CNBD1: variants seen among roughly 807,000 people sequenced by gnomAD.
The protein encoded by CNBD1 is cyclic nucleotide-binding domain-containing protein 1.
A neutral mutation model predicts 54.4 loss-of-function variants in CNBD1; 71 were observed. The ratio of observed to expected loss-of-function variants is 1.30; its 90% confidence interval spans 1.08 to 1.59. CNBD1 has a LOEUF of 1.59. Ranked by LOEUF, CNBD1 falls within the 40% of genes most tolerant of loss-of-function variation. CNBD1 has a pLI of 0.00. For synonymous variants in CNBD1, 182 were observed against 170.7 expected (o/e 1.07, Z -0.51); for missense variants, 659 against 518.0 (o/e 1.27, Z -2.64).
At chr8:87,292,199 G>T (rs1808800334) in intron 8 of CNBD1, among the ~76,000 whole-genome samples, 1 of 152,078 alleles carries the variant, frequency 6.6e-6, no homozygotes, top group South Asian at 2.1e-4. Flanking sequence ...TTACAGAATT[G>T]CATCGTTGCA....
chr8:86,978,269 G>A (rs1420837850), intron 4 of CNBD1, among the ~76,000 whole-genome samples: 1 of 152,110 alleles, frequency 6.6e-6, no homozygotes, highest in Non-Finnish European at 1.5e-5. Flanking sequence ...CAATTTCTAT[G>A]TTGACTTTTA....
intron 2 of CNBD1, among the ~76,000 whole-genome samples, chr8:86,903,925 G>A (rs1009689227): frequency 5.9e-5 from 9 of 151,584 alleles, no homozygotes; most frequent in African/African-American, 1.7e-4. Context: ...AAAAAGATTC[G>A]ATGCTTGGTG....
rs368012323 is a variant in CNBD1, at chr8:87,241,437, A to AT, written c.771+4333dup. 8.6e-3 allele frequency among the ~76,000 whole-genome samples: 1,297 copies of AT among 151,404 alleles called. 21 individuals are homozygous for AT. Among genetic ancestry groups the AT allele is most frequent in the African/African-American group, 0.023 (959 of 41,264 alleles). ...AGGGGCCTGCCACCACGCCTGGCTA[A>AT]TTTTTTTTGTATTTTTAGTAGAGAC... On this transcript the variant is annotated intron_variant, in intron 6 of 10. Coordinates refer to ENST00000518476, the MANE Select transcript of CNBD1 (RefSeq NM_173538.3).
intron 6 of CNBD1, among the ~76,000 whole-genome samples, chr8:87,266,073 A>C (rs540187189): frequency 2.0e-5 from 3 of 152,212 alleles, no homozygotes; most frequent in African/African-American, 7.2e-5. Flanking sequence ...TTTTCTTTGA[A>C]AGATATCACA....
At chr8:86,978,534 C>CTTTTTTTTTT (rs71277907) in intron 4 of CNBD1, among the ~76,000 whole-genome samples, 3 of 66,704 alleles carry the variant, frequency 4.5e-5, no homozygotes, top group African/African-American at 6.2e-5. Flanking sequence ...ATGCTTTTAT[C>CTTTTTTTTTT]TTTTTTTTTT....
chr8:87,337,013 C>T (rs187165986), intron 8 of CNBD1, among the ~76,000 whole-genome samples: 10 of 152,258 alleles, frequency 6.6e-5, no homozygotes, highest in African/African-American at 2.4e-4. Context: ...ATCTAGTTTA[C>T]TCCCACACAT....
intron 10 of CNBD1, among the ~76,000 whole-genome samples, chr8:87,371,358 G>A (rs1011583693): frequency 2.0e-5 from 3 of 151,980 alleles, no homozygotes; most frequent in African/African-American, 7.2e-5. Context: ...TCCTACCCAT[G>A]AGCATGGAAT....
At chr8:87,161,780 A>G (rs902780154) in intron 4 of CNBD1, among the ~76,000 whole-genome samples, 1 of 152,154 alleles carries the variant, frequency 6.6e-6, no homozygotes, top group Non-Finnish European at 1.5e-5. Flanking sequence ...GCACATATCC[A>G]CATCTAAGTA....
chr8:87,322,763 A>C (rs1431400043), intron 8 of CNBD1, among the ~76,000 whole-genome samples: 1 of 80,676 alleles, frequency 1.2e-5, no homozygotes, highest in East Asian at 2.8e-4. Context: ...TTGCCTGTTC[A>C]CTCTGATGGT....
intron 4 of CNBD1, among the ~76,000 whole-genome samples, chr8:87,097,942 G>A (rs1811352170): frequency 2.0e-5 from 3 of 152,126 alleles, no homozygotes; most frequent in African/African-American, 4.8e-5. Context: ...AAGATGGATG[G>A]CACATAAATA....
chr8:86,884,214 C>A (rs1448640736), intron 1 of CNBD1, among the ~76,000 whole-genome samples: 1 of 151,964 alleles, frequency 6.6e-6, no homozygotes, highest in African/African-American at 2.4e-5. Flanking sequence ...TGTGTCCCCA[C>A]CACTCCCCCA....
chr8:87,092,561 A>G, intron 4 of CNBD1, among the ~76,000 whole-genome samples: 3 of 15,596 alleles, frequency 1.9e-4, no homozygotes, highest in African/African-American at 7.5e-4. Context: ...ATATATACAC[A>G]TATGTGTGTG....
intron 6 of CNBD1, among the ~76,000 whole-genome samples, chr8:87,252,281 T>C (rs1438495134): frequency 6.6e-6 from 1 of 152,206 alleles, no homozygotes; most frequent in Non-Finnish European, 1.5e-5. Flanking sequence ...TCTAAGTATA[T>C]AAAATTTGTT....
intron 6 of CNBD1, among the ~76,000 whole-genome samples, chr8:87,273,082 C>T (rs1263021991): frequency 6.6e-6 from 1 of 151,638 alleles, no homozygotes; most frequent in Non-Finnish European, 1.5e-5. Flanking sequence ...TCAATTTCCC[C>T]TAATAATAGG....
At chr8:87,254,869 G>T (rs983245565) in intron 6 of CNBD1, among the ~76,000 whole-genome samples, 1 of 152,126 alleles carries the variant, frequency 6.6e-6, no homozygotes, top group East Asian at 1.9e-4. Flanking sequence ...GGGGCAAGAA[G>T]AATGTCATTG....
rs1404149033 is a variant in CNBD1, at chr8:87,134,902, C to G, written c.432-71091C>G. On this transcript the variant is annotated intron_variant, in intron 4 of 10. Coordinates refer to ENST00000518476, the MANE Select transcript of CNBD1 (RefSeq NM_173538.3). The stretch of plus-strand genomic sequence containing the variant: ...GGGATTACAGGCGTGAGCCACCACG[C>G]CCAGCCAGATTCCAATTTTAATCTT... 7.2e-5 allele frequency among the ~76,000 whole-genome samples: 11 copies of G among 152,066 alleles called. No individual in the cohort carries two copies. In the East Asian group the frequency reaches 9.6e-4, roughly 13 times the overall value.
intron 2 of CNBD1, among the ~76,000 whole-genome samples, chr8:87,425,902 G>A (rs1486140586): frequency 1.3e-5 from 2 of 152,112 alleles, no homozygotes; most frequent in Admixed American, 6.5e-5. Context: ...GCAATGGCGG[G>A]CGCCCCTCCC....
chr8:86,930,526 G>T (rs760406099), intron 3 of CNBD1, among the ~76,000 whole-genome samples: 54 of 152,170 alleles, frequency 3.5e-4, no homozygotes, highest in Non-Finnish European at 1.8e-4. Flanking sequence ...CACATAAGTT[G>T]GGACATGTGG....
intron 2 of CNBD1, among the ~76,000 whole-genome samples, chr8:87,394,621 A>G (rs1401533475): frequency 6.6e-6 from 1 of 151,898 alleles, no homozygotes; most frequent in African/African-American, 2.4e-5. Context: ...ACCCTTCTTC[A>G]TAGATGCGTG....
Sources: allele counts gnomAD v4.1 joint callset (sites outside exome capture counted in the v4.1 genomes callset), GRCh38; gene constraint gnomAD v4.1.1; transcripts MANE v1.5; gene names NCBI Gene and HGNC (gene_info 2026-07-23, HGNC 2026-07-21).